The following TLE1 variants were observed in gnomAD, a reference collection of about 807,000 sequenced individuals.
TLE1 encodes the protein transducin-like enhancer protein 1.
TLE1 carries 21 observed loss-of-function variants against 89.8 expected under a neutral mutation model. The ratio of observed to expected loss-of-function variants is 0.23; its 90% confidence interval spans 0.17 to 0.34. The LOEUF is 0.34. TLE1 is among the 10% of genes least tolerant of loss of function. The pLI, the probability that TLE1 is intolerant of heterozygous loss-of-function variation, is 1.00. For missense variants in TLE1, 795 were observed against 1,031.2 expected (o/e 0.77, Z 3.14); for synonymous variants, 447 against 407.6 (o/e 1.10, Z -1.16).
At chr9:81,593,555 C>T (rs576280441) in intron 14 of TLE1, among the ~76,000 whole-genome samples, 2 of 151,928 alleles carry the variant, frequency 1.3e-5, no homozygotes, top group Non-Finnish European at 2.9e-5. Flanking sequence ...TAAAGCATTC[C>T]CTCAAATCTC....
At chr9:81,679,853 T>C (rs1833380218) in intron 4 of TLE1, among the ~76,000 whole-genome samples, 1 of 152,184 alleles carries the variant, frequency 6.6e-6, no homozygotes, top group Non-Finnish European at 1.5e-5. Context: ...AATCCACTTC[T>C]GGAGACCACA....
chr9:81,595,634 G>C (rs546403149), intron 14 of TLE1, among the ~76,000 whole-genome samples: 11 of 152,062 alleles, frequency 7.2e-5, no homozygotes, highest in South Asian at 2.1e-4. Flanking sequence ...CTGGCTAACA[G>C]AGTGAAACCC....
chr9:81,602,207 C>T (rs896659061), intron 14 of TLE1, among the ~76,000 whole-genome samples: 10 of 152,260 alleles, frequency 6.6e-5, no homozygotes, highest in Admixed American at 1.3e-4. Context: ...AACAGAGGCT[C>T]ATCCCATTGT....
chr9:81,591,632 A>G (rs774161728), intron 15 of TLE1, among the ~76,000 whole-genome samples: 7 of 152,114 alleles, frequency 4.6e-5, no homozygotes, highest in Non-Finnish European at 1.0e-4. Context: ...CCCTCATATG[A>G]TCAACTCCTG....
At chr9:81,633,632 T>C (rs1401020805) in intron 7 of TLE1, 83 of 540,350 alleles carry the variant, frequency 1.5e-4, no homozygotes, top group Non-Finnish European at 2.4e-4. Context: ...TTCAAAAAAT[T>C]AGTCAAGTGC....
At chr9:81,629,536 T>C (rs1421728003) in intron 8 of TLE1, among the ~76,000 whole-genome samples, 1 of 152,176 alleles carries the variant, frequency 6.6e-6, no homozygotes, top group Non-Finnish European at 1.5e-5. Flanking sequence ...TAAAGCAGTT[T>C]CCATAAAAAC....
chr9:81,618,039 C>CAAA (rs1013082775), intron 9 of TLE1, among the ~76,000 whole-genome samples: 2 of 151,798 alleles, frequency 1.3e-5, no homozygotes, highest in African/African-American at 4.8e-5. Flanking sequence ...ACAACAACAA[C>CAAA]AACAAAAAAT....
intron 14 of TLE1, among the ~76,000 whole-genome samples, chr9:81,609,456 T>A (rs1298370520): frequency 6.6e-6 from 1 of 152,224 alleles, no homozygotes; most frequent in Non-Finnish European, 1.5e-5. Flanking sequence ...ATTTCAATTC[T>A]GCTGTTTAAA....
chr9:81,637,133 G>A (rs909033919), intron 6 of TLE1, among the ~76,000 whole-genome samples: 1 of 152,198 alleles, frequency 6.6e-6, no homozygotes, highest in African/African-American at 2.4e-5. Flanking sequence ...TGAGGCGGGT[G>A]TAACACTTGA....
At chr9:81,679,626 C>G (rs950477994) in intron 4 of TLE1, among the ~76,000 whole-genome samples, 14 of 152,052 alleles carry the variant, frequency 9.2e-5, no homozygotes, top group Non-Finnish European at 1.9e-4. Context: ...GGTACAGATG[C>G]CTATTCTTGT....
At chr9:81,673,659 G>A (rs907982486) in intron 4 of TLE1, among the ~76,000 whole-genome samples, 3 of 152,106 alleles carry the variant, frequency 2.0e-5, no homozygotes, top group African/African-American at 7.2e-5. Flanking sequence ...TTTTCAAGGT[G>A]GAATAATTAG....
chr9:81,622,637 T>C (rs992273515), intron 8 of TLE1, among the ~76,000 whole-genome samples: 17 of 152,358 alleles, frequency 1.1e-4, no homozygotes, highest in Non-Finnish European at 2.2e-4. Context: ...CTTGAGCGGC[T>C]TAAATGAAGC....
Position 81,590,720 on chromosome 9 carries a change from G to A in TLE1, c.1829+85C>T, listed in dbSNP as rs1829363066. 8.4e-6 allele frequency: 13 copies of A among 1,552,416 alleles called. 1 individual carries two copies. In the South Asian group the frequency reaches 1.6e-4, roughly 19 times the overall value. Reference sequence around the variant, plus strand: ...CATTCAAGAGGCTCTTATTGTGTGGGCTGCAGGCAGCCAGAGAGAAGCAGA... The same window carrying A: ...CATTCAAGAGGCTCTTATTGTGTGGACTGCAGGCAGCCAGAGAGAAGCAGA... On this transcript the variant is annotated intron_variant, in intron 16 of 19. Transcript: ENST00000376499.
chr9:81,589,094 T>C (rs1364301739), intron 16 of TLE1, among the ~76,000 whole-genome samples: 1 of 152,138 alleles, frequency 6.6e-6, no homozygotes, highest in African/African-American at 2.4e-5. Context: ...ATGTTTCCGC[T>C]TGCTTCCCAG....
chr9:81,680,694 C>G (rs766426943), intron 4 of TLE1, among the ~76,000 whole-genome samples: 12 of 152,018 alleles, frequency 7.9e-5, no homozygotes, highest in Non-Finnish European at 8.8e-5. Context: ...GCTCTAAATG[C>G]AGAGAGCTTT....
chr9:81,677,244 C>G lies in TLE1; in HGVS notation c.234+8432G>C, dbSNP rs998358524. On this transcript the variant is annotated intron_variant, in intron 4 of 19. Coordinates refer to ENST00000376499, the MANE Select transcript of TLE1 (RefSeq NM_005077.5). Reference sequence around the variant, plus strand: ...CAGAACGAGACTCGTCTTCCCCCCCCCAAAAAAAAGACCTTACAAATTTAA... The same window carrying G: ...CAGAACGAGACTCGTCTTCCCCCCCGCAAAAAAAAGACCTTACAAATTTAA... Among the ~76,000 whole-genome samples, 21 of 147,872 alleles carry G rather than the reference C, an allele frequency of 1.4e-4. No individual in the cohort carries two copies. The South Asian group carries it at 1.7e-3, about 12-fold the overall frequency.
chr9:81,655,220 CG>C (rs1830017912), intron 4 of TLE1, among the ~76,000 whole-genome samples: 1 of 151,930 alleles, frequency 6.6e-6, no homozygotes, highest in African/African-American at 2.4e-5. Context: ...AAAAATTAGC[CG>C]GGCGTGATGG....
intron 6 of TLE1, among the ~76,000 whole-genome samples, chr9:81,634,826 C>T (rs535049365): frequency 1.3e-5 from 2 of 152,196 alleles, no homozygotes; most frequent in African/African-American, 4.8e-5. Context: ...CTCCATTTCA[C>T]CCTACACCCT....
Position 81,587,922 on chromosome 9 carries a change from G to GTGTGTGTCATCCCACC in TLE1, c.1830-95_1830-94insGGTGGGATGACACACA, listed in dbSNP as rs1554716652. 74 of 1,014,836 alleles carry GTGTGTGTCATCCCACC rather than the reference G, an allele frequency of 7.3e-5. 8 individuals are homozygous for GTGTGTGTCATCCCACC. The highest frequency in any genetic ancestry group is 8.7e-5 in the Non-Finnish European group (63 of 724,156). The allele number at this position is 1,014,836 out of a possible 1,614,324, so 62.9% of individuals were successfully genotyped here. A position where few individuals can be genotyped will look rare whatever the true frequency, so the allele number is the denominator to read the frequency against. On this transcript the variant is annotated intron_variant, in intron 16 of 19. Coordinates refer to ENST00000376499, the MANE Select transcript of TLE1 (RefSeq NM_005077.5). ...AGTTTTGGACCGTGTGTGTGTGTGT[G>GTGTGTGTCATCCCACC]TGTGTGTGTGTGTGTGTGTGTGTGA...
Sources: allele counts gnomAD v4.1 joint callset (sites outside exome capture counted in the v4.1 genomes callset), GRCh38; gene constraint gnomAD v4.1.1; transcripts MANE v1.5; gene names NCBI Gene and HGNC (gene_info 2026-07-23, HGNC 2026-07-21).